TYK2: variants seen among roughly 807,000 people sequenced by gnomAD.
The protein encoded by TYK2 is tyrosine kinase 2, also known as non-receptor tyrosine-protein kinase TYK2.
A neutral mutation model predicts 130.9 loss-of-function variants in TYK2; 65 were observed. That is an observed-to-expected ratio of 0.50 (90% CI 0.41 to 0.61). TYK2 has a LOEUF of 0.61. TYK2 is among the 20% of genes least tolerant of loss of function. TYK2 has a pLI of 0.00. For synonymous variants in TYK2, 647 were observed against 658.9 expected, an observed-to-expected ratio of 0.98 and a Z score of 0.28; for missense variants, 1,378 against 1,610.7, an observed-to-expected ratio of 0.86 and a Z score of 2.47.
rs12720267 is a variant in TYK2 at position 10,365,496 on chromosome 19, C to A, written c.1011+21G>T. 9 of 1,613,224 alleles carry A rather than the reference C, an allele frequency of 5.6e-6. No individual in the cohort carries two copies. The Admixed American group carries it at 1.5e-4, about 27-fold the overall frequency. On this transcript the variant is annotated intron_variant, in intron 7 of 24. Transcript: ENST00000525621. ...CCCAGCCCAACCTGAACCCCCAGGG[C>A]GGAAGGGGCGCCTTGCTCACCTCCT...
intron 14 of TYK2, among the ~76,000 whole-genome samples, chr19:10,360,757 TTATTA>T (rs1483832506): frequency 6.6e-6 from 1 of 151,806 alleles, no homozygotes; most frequent in African/African-American, 2.4e-5. Flanking sequence ...TTTTATTTAT[TTATTA>T]TATTTTTTGA....
At position 10,364,559 on chromosome 19, in the gene TYK2, C is replaced by A. The variant is rs2041560489; in HGVS notation, c.1367+55G>T. ...CACCCTGCACAGCCCCTAGGGCTCA[C>A]AGTCTAGTTGGCACCCTTGGCGGTG... On this transcript the variant is annotated intron_variant, in intron 9 of 24. Transcript: ENST00000525621. This position sits in a 1 kb window ranked among gnomAD's most constrained non-coding sequence, Gnocchi z 4.9. 6.2e-7 allele frequency: 1 copy of A among 1,600,654 alleles called. No individual in the cohort carries two copies. Among genetic ancestry groups the A allele is most frequent in the African/African-American group, 1.3e-5 (1 of 74,680 alleles).
chr19:10,366,021 A>G, intron 6 of TYK2, 123 bp from the exon 7 acceptor site: 1 of 1,091,868 alleles, frequency 9.2e-7, no homozygotes, highest in Non-Finnish European at 1.3e-6. Context: ...CAGGCACACT[A>G]GCCAGGTGTG....
intron 1 of TYK2, among the ~76,000 whole-genome samples, 199 bp from the exon 2 acceptor site, chr19:10,379,978 C>T (rs557845792): frequency 5.9e-5 from 9 of 152,236 alleles, no homozygotes; most frequent in Non-Finnish European, 1.0e-4. Context: ...CAATCCAGGG[C>T]CTGAGCCTCC....
chr19:10,368,558 T>G (rs2145278008), intron 3 of TYK2, 140 bp from the exon 4 acceptor site: 3 of 1,262,666 alleles, frequency 2.4e-6, no homozygotes, highest in Non-Finnish European at 2.2e-6. Flanking sequence ...ACGTTGCCCC[T>G]GGGCAGAGGA....
rs549371062 is a variant in TYK2, at chr19:10,359,179, T to G, written c.2171A>C (p.Tyr724Ser). 1.2e-6 allele frequency: 2 copies of G among 1,602,662 alleles called. No individual in the cohort carries two copies. The highest frequency in any genetic ancestry group is 2.2e-5 in the South Asian group (2 of 90,988). The change falls in exon 15 of 25, where the codon TAC (tyrosine) becomes TCC (serine). Residue 724 changes from tyrosine (Y) to serine (S), a missense_variant. Coordinates refer to ENST00000525621, the MANE Select transcript of TYK2 (RefSeq NM_003331.5). ...CCCCACACACAGGCCACACACCAGG[T>G]AGCTGAGGGCGCTGGCCAGCTGCTG... Reference protein sequence around the residue: ...VAQQLASALSYLENKNLVHGN... With the variant: ...VAQQLASALSSLENKNLVHGN...
At chr19:10,374,959 G>A (rs1332076017) in intron 3 of TYK2, among the ~76,000 whole-genome samples, 1 of 152,124 alleles carries the variant, frequency 6.6e-6, no homozygotes, top group Non-Finnish European at 1.5e-5. Context: ...CAAGGCGGGT[G>A]GATGGCTTGA....
At chr19:10,375,103 A>C (rs1347215848) in intron 3 of TYK2, among the ~76,000 whole-genome samples, 1 of 151,424 alleles carries the variant, frequency 6.6e-6, no homozygotes, top group African/African-American at 2.4e-5. Context: ...GGGCAGTTAG[A>C]GGCTGCAATG....
intron 3 of TYK2, among the ~76,000 whole-genome samples, chr19:10,377,881 GGTGGATGGA>G: frequency 1.3e-5 from 1 of 77,712 alleles, no homozygotes; most frequent in South Asian, 5.2e-4. Flanking sequence ...TGGATGCGTG[GGTGGATGGA>G]TGGGTGGGTG....
rs373150366 is a variant in TYK2 at position 10,356,670 on chromosome 19, G to A, written c.2515C>T (p.Pro839Ser). ...TGGCTGGTGAGTGTGGCCAGCTGTG[G>A]GCAGGAGGGCTCGGGCAGCCGGTGC... ...RQHRLPEPSC[P>S]QLATLTSQCL... Residue 839 changes from proline (P) to serine (S), a missense_variant, in exon 18 of 25, where the codon CCA (proline) becomes TCA (serine). Coordinates refer to ENST00000525621, the MANE Select transcript of TYK2 (RefSeq NM_003331.5). 7 of 1,612,562 alleles carry A rather than the reference G, an allele frequency of 4.3e-6. No individual in the cohort carries two copies. In the Admixed American group the frequency reaches 1.0e-4, roughly 23 times the overall value.
At chr19:10,379,264 G>A (rs1008785406) in intron 2 of TYK2, among the ~76,000 whole-genome samples, 10 of 152,010 alleles carry the variant, frequency 6.6e-5, no homozygotes, top group Non-Finnish European at 1.5e-5. Context: ...AGGAGTTGGA[G>A]GCTGCAGTGA....
rs1321742051 is a variant in TYK2 at position 10,378,382 on chromosome 19, C to T, written c.25G>A (p.Ala9Thr). MPLRHWGM[A>T]RGSKPVGDGA... ...TCCCCAACGGGCTTACTGCCCCTGG[C>T]CATCCCCCAGTGGCGCAGAGGCATG... is the stretch of plus-strand genomic sequence containing the variant. The change falls in exon 3 of 25, where the codon GCC becomes ACC. Residue 9 changes from alanine (A) to threonine (T), a missense_variant. Transcript: ENST00000525621. 2 of 1,611,678 alleles carry T rather than the reference C, an allele frequency of 1.2e-6. No individual in the cohort carries two copies. The highest frequency in any genetic ancestry group is 2.2e-5 in the East Asian group (1 of 44,872).
intron 17 of TYK2, chr19:10,357,333 G>A (rs972716411): frequency 3.3e-6 from 2 of 607,962 alleles, no homozygotes; most frequent in East Asian, 2.8e-5. Context: ...AGGTTGCAGT[G>A]AGCTGAGATC....
At chr19:10,377,388 GTGGGTGGGTGGGTGGA>G (rs1163594943) in intron 3 of TYK2, among the ~76,000 whole-genome samples, 1,895 of 106,762 alleles carry the variant, frequency 0.018, 49 homozygotes, top group African/African-American at 0.064. Flanking sequence ...GGATGAATAG[GTGGGTGGGTGGGTGGA>G]TGGATGGATG....
chr19:10,374,659 A>AGGG (rs2042049159), intron 3 of TYK2, among the ~76,000 whole-genome samples: 1 of 149,788 alleles, frequency 6.7e-6, no homozygotes. Flanking sequence ...AGGCCGAGGC[A>AGGG]GGGGGAACAG....
chr19:10,377,324 G>GTGGATGGA (rs59020787), intron 3 of TYK2, among the ~76,000 whole-genome samples: 16,196 of 135,432 alleles, frequency 0.12, 1,247 homozygotes, highest in Non-Finnish European at 0.17. Flanking sequence ...GAATGAACGG[G>GTGGATGGA]TGGATGGATG....
rs2040902962 is a variant in TYK2, at chr19:10,353,208, G to A, written c.3028-110C>T. The A allele has an allele frequency of 2.0e-6, 2 of 996,390 alleles. No individual in the cohort carries two copies. Among genetic ancestry groups the A allele is most frequent in the East Asian group, 5.8e-5 (2 of 34,558 alleles). 61.7% of individuals were successfully genotyped at this position (996,390 alleles called of 1,614,324 possible). A position where few individuals can be genotyped will look rare whatever the true frequency, so the allele number is the denominator to read the frequency against. On this transcript the variant is annotated intron_variant, in intron 21 of 24. Transcript: ENST00000525621. This position sits in a 1 kb window ranked among gnomAD's most constrained non-coding sequence, Gnocchi z 6.9. Reference sequence around the variant, plus strand: ...GGGGGACAGTCAGGTCAGGCCGGTGGCTACCCGGCCGCTGGAGAGGGCCGG... The same window carrying A: ...GGGGGACAGTCAGGTCAGGCCGGTGACTACCCGGCCGCTGGAGAGGGCCGG...
chr19:10,368,144 C>T lies in TYK2; in HGVS notation c.376G>A (p.Gly126Arg). The change falls in exon 5 of 25, where the codon GGG becomes AGG. Residue 126 changes from glycine to arginine, a missense_variant. By Grantham distance (125) the Gly-to-Arg change is moderately radical. Transcript: ENST00000525621. ...NPREPAVYRC[G>R]PPGTEASSDQ... ...GAGGATGCCTCGGTTCCTGGGGGCCCACAACGGTACACAGCCGGTTCCCGA... is the reference window on the plus strand; with the variant it reads ...GAGGATGCCTCGGTTCCTGGGGGCCTACAACGGTACACAGCCGGTTCCCGA... 1 of 1,614,048 alleles carries T rather than the reference C, an allele frequency of 6.2e-7. No homozygotes were observed. The highest frequency in any genetic ancestry group is 8.5e-7 in the Non-Finnish European group (1 of 1,180,016).
chr19:10,379,262 GA>G (rs1568348069), intron 2 of TYK2, among the ~76,000 whole-genome samples: 1 of 152,062 alleles, frequency 6.6e-6, no homozygotes, highest in Non-Finnish European at 1.5e-5. Context: ...CCAGGAGTTG[GA>G]GGCTGCAGTG....
Sources: allele counts gnomAD v4.1 joint callset (sites outside exome capture counted in the v4.1 genomes callset), GRCh38; gene constraint gnomAD v4.1.1; non-coding constraint Gnocchi (gnomAD v3.1); transcripts MANE v1.5; gene names NCBI Gene and HGNC (gene_info 2026-07-23, HGNC 2026-07-21).